AXIN2: variants seen among roughly 807,000 people sequenced by gnomAD.
AXIN2 encodes axin 2.
A neutral mutation model predicts 74.7 loss-of-function variants in AXIN2; 21 were observed. The ratio of observed to expected loss-of-function variants is 0.28; its 90% CI spans 0.20 to 0.40. The LOEUF (loss-of-function observed/expected upper bound fraction) is 0.40. Among genes scored for constraint, AXIN2 ranks in the 10% least tolerant of loss-of-function variants. AXIN2 has a pLI of 1.00. For synonymous variants in AXIN2, 532 were observed against 454.9 expected (o/e 1.17, Z -2.16); for missense variants, 1,144 against 1,111.1 (o/e 1.03, Z -0.42).
Position 65,535,694 on chromosome 17 carries a change from G to A in AXIN2, c.2169C>T (p.Asp723=), listed in dbSNP as rs763114786. 4 of 1,614,188 alleles carry A rather than the reference G, an allele frequency of 2.5e-6. No individual in the cohort carries two copies. The highest frequency in any genetic ancestry group is 1.1e-5 in the South Asian group (1 of 91,080). The change falls in exon 9 of 11, where the codon GAC becomes GAT. Residue 723 remains aspartate (D), a synonymous_variant. Coordinates refer to ENST00000307078, the MANE Select transcript of AXIN2 (RefSeq NM_004655.4). ...TCTGAACAGTGGCCGAATGATTCCT[G>A]TCCCTCTGCTGACTGGCCACACAGC... ...QRCCVASQQR[D]RNHSATVQTG...
Position 65,536,346 on chromosome 17 carries a change from A to G in AXIN2, c.2115T>C (p.Ala705=). The change falls in exon 8 of 11, where the codon GCT becomes GCC. Residue 705 remains alanine (A), a synonymous_variant. Coordinates refer to ENST00000307078, the MANE Select transcript of AXIN2 (RefSeq NM_004655.4). ...GCTGCTTTGGGGGCTTCGACACCTC[A>G]GCTAGCCTGCGACAGGCCTCCTCCA... ...AQLEEACRRL[A]EVSKPPKQRC... 1 of 1,612,894 alleles carries G rather than the reference A, an allele frequency of 6.2e-7. No individual in the cohort carries two copies. Among genetic ancestry groups the G allele is most frequent in the South Asian group, 1.1e-5 (1 of 90,896 alleles).
At chr17:65,538,154 A>C (rs549161295) in intron 5 of AXIN2, 49 bp downstream of exon 5, 6 of 1,613,332 alleles carry the variant, frequency 3.7e-6, no homozygotes, top group East Asian at 4.5e-5. Context: ...TACACATACG[A>C]GCGCTCACGC....
intron 2 of AXIN2, among the ~76,000 whole-genome samples, chr17:65,555,600 TTTCATGTTTA>T (rs1377372941): frequency 6.6e-6 from 1 of 152,202 alleles, no homozygotes; most frequent in Non-Finnish European, 1.5e-5. Flanking sequence ...TACAAAAGGC[TTTCATGTTTA>T]TTATTTTGGT....
At chr17:65,541,411 A>G (rs1265814390) in intron 4 of AXIN2, 44 bp downstream of exon 4, 10 of 1,542,686 alleles carry the variant, frequency 6.5e-6, no homozygotes, top group East Asian at 2.2e-5. Context: ...TTAGGACTCA[A>G]CATGGCAGAA....
intron 3 of AXIN2, 70 bp downstream of exon 3, chr17:65,549,450 G>T: frequency 6.3e-7 from 1 of 1,596,570 alleles, no homozygotes; most frequent in Non-Finnish European, 8.5e-7. Flanking sequence ...GATGACAGAC[G>T]ATTCTGGCTA....
intron 1 of AXIN2, chr17:65,559,631 A>C (rs548196389): frequency 6.6e-6 from 1 of 152,348 alleles, no homozygotes; most frequent in South Asian, 2.1e-4. Context: ...CTGGATCACC[A>C]GCCGTCTCAC....
intron 1 of AXIN2, chr17:65,560,114 G>T (rs988785404): frequency 3.9e-5 from 6 of 152,448 alleles, no homozygotes; most frequent in Admixed American, 3.9e-4. Flanking sequence ...CCCGGGCGGG[G>T]GGTCGGTCCC....
Position 65,529,858 on chromosome 17 carries a change from C to A in AXIN2, c.*118G>T. On this transcript the variant is annotated 3_prime_UTR_variant, in exon 11 of 11. Transcript: ENST00000307078. ...GCCCACTGGCCGATTCTTCCTTAGACTTTGTCTTCTTCATTGGTTTAATTT... is the reference window on the plus strand; with the variant it reads ...GCCCACTGGCCGATTCTTCCTTAGAATTTGTCTTCTTCATTGGTTTAATTT... The A allele has an allele frequency of 2.5e-6, 4 of 1,572,038 alleles. No homozygotes were observed. Among genetic ancestry groups the A allele is most frequent in the Non-Finnish European group, 3.5e-6 (4 of 1,152,492 alleles).
chr17:65,540,580 T>G (rs1321956421), intron 4 of AXIN2, among the ~76,000 whole-genome samples: 1 of 152,130 alleles, frequency 6.6e-6, no homozygotes, highest in Non-Finnish European at 1.5e-5. Context: ...CCCCTCCAAA[T>G]CTCATGTTGA....
At chr17:65,551,966 T>C (rs1289568892) in intron 2 of AXIN2, among the ~76,000 whole-genome samples, 1 of 152,164 alleles carries the variant, frequency 6.6e-6, no homozygotes. Flanking sequence ...CCAAGTGACT[T>C]GTGACCGTCA....
At chr17:65,560,979 G>C (rs1042863430) in intron 1 of AXIN2, 4 of 148,822 alleles carry the variant, frequency 2.7e-5, no homozygotes, top group African/African-American at 9.8e-5. Context: ...GCGGGGGAGG[G>C]GGTGCGGGAA....
In AXIN2 at chr17:65,534,074, T is replaced by C. The variant is rs1598094114; in HGVS notation, c.2243A>G (p.Lys748Arg). ...SNPSLAPEDH[K>R]EPKKLAGVHA... ...GACACCTGCCAGTTTCTTTGGCTCT[T>C]TGTGACTGAAAATAAGATGGAATGG... Residue 748 changes from lysine to arginine, a missense_variant, in exon 10 of 11, where the codon AAA becomes AGA. Lys to Arg is a conservative substitution (Grantham distance 26, BLOSUM62 2). Around this residue, in one of 4 missense-constraint regions of AXIN2, gnomAD observed 1,053 missense variants for 973.5 expected, o/e 1.08. Coordinates refer to ENST00000307078, the MANE Select transcript of AXIN2 (RefSeq NM_004655.4). 3.1e-6 allele frequency: 5 copies of C among 1,614,228 alleles called. No individual in the cohort carries two copies. Among genetic ancestry groups the C allele is most frequent in the Non-Finnish European group, 3.4e-6 (4 of 1,180,042 alleles).
chr17:65,549,397 G>T (rs1287189280), intron 3 of AXIN2, 123 bp downstream of exon 3: 1 of 1,214,392 alleles, frequency 8.2e-7, no homozygotes, highest in African/African-American at 1.5e-5. Flanking sequence ...CCACCAAACT[G>T]ATGTCCATAC....
intron 3 of AXIN2, among the ~76,000 whole-genome samples, chr17:65,548,714 A>G (rs936165112): frequency 6.6e-6 from 1 of 152,196 alleles, no homozygotes; most frequent in Non-Finnish European, 1.5e-5. Context: ...CCTCCTCATG[A>G]GACTCACTGA....
chr17:65,538,446 AT>A, intron 4 of AXIN2, 103 bp from the exon 5 acceptor site: 1 of 1,500,752 alleles, frequency 6.7e-7, no homozygotes, highest in Non-Finnish European at 9.1e-7. Context: ...CCGCAAACCC[AT>A]GTTCGGGTGT....
At position 65,529,776 on chromosome 17, in the gene AXIN2, T is replaced by C; in HGVS notation, c.*200A>G. 1.3e-6 allele frequency: 1 copy of C among 751,156 alleles called. No homozygotes were observed. Among genetic ancestry groups the C allele is most frequent in the South Asian group, 1.8e-5 (1 of 57,114 alleles). The allele number at this position is 751,156 out of a possible 1,614,324, so 46.5% of individuals were successfully genotyped here. A position where few individuals can be genotyped will look rare whatever the true frequency, so the allele number is the denominator to read the frequency against. On this transcript the variant is annotated 3_prime_UTR_variant, in exon 11 of 11. Coordinates refer to ENST00000307078, the MANE Select transcript of AXIN2 (RefSeq NM_004655.4). ...ATAAATAGTTCAGGCTTTTCTTATC[T>C]CAGTCAGTACCCAGCTCATGAATCA...
intron 2 of AXIN2, among the ~76,000 whole-genome samples, chr17:65,557,083 G>A (rs2044277793): frequency 6.6e-6 from 1 of 152,118 alleles, no homozygotes. Flanking sequence ...GTACTCCCGG[G>A]CCAAGATCTC....
At chr17:65,532,432 G>C (rs2043837819) in intron 10 of AXIN2, among the ~76,000 whole-genome samples, 1 of 152,174 alleles carries the variant, frequency 6.6e-6, no homozygotes, top group South Asian at 2.1e-4. Flanking sequence ...AGCAGCAGCA[G>C]CAGCAGCCAG....
Position 65,529,014 on chromosome 17 carries a change from T to C in AXIN2, c.*962A>G, listed in dbSNP as rs773472709. On this transcript the variant is annotated 3_prime_UTR_variant, in exon 11 of 11. Coordinates refer to ENST00000307078, the MANE Select transcript of AXIN2 (RefSeq NM_004655.4). Reference sequence around the variant, plus strand: ...AGGTGCTGCTGGGTCTCCCTACAACTGTTCATTTCTTTGTGGGGCAGGGGG... The same window carrying C: ...AGGTGCTGCTGGGTCTCCCTACAACCGTTCATTTCTTTGTGGGGCAGGGGG... The C allele has an allele frequency of 1.2e-5, 3 of 241,758 alleles. No homozygotes were observed. The highest frequency in any genetic ancestry group is 2.4e-5 in the Non-Finnish European group (3 of 124,192). The allele number at this position is 241,758 out of a possible 1,614,324, so 15.0% of individuals were successfully genotyped here. A position where few individuals can be genotyped will look rare whatever the true frequency, so the allele number is the denominator to read the frequency against.
Sources: allele counts gnomAD v4.1 joint callset (sites outside exome capture counted in the v4.1 genomes callset), GRCh38; gene constraint gnomAD v4.1.1; regional missense constraint gnomAD v4.1.1; transcripts MANE v1.5; gene names NCBI Gene and HGNC (gene_info 2026-07-23, HGNC 2026-07-21).